KIRREL3: variants seen among roughly 807,000 people sequenced by gnomAD.
The protein encoded by KIRREL3 is kirre like nephrin family adhesion molecule 3.
In KIRREL3, 36 loss-of-function variants were observed where a neutral mutation model predicts 89.7. That is an observed-to-expected ratio of 0.40 (90% CI 0.31 to 0.53). The LOEUF (loss-of-function observed/expected upper bound fraction) is 0.53. Among genes scored for constraint, KIRREL3 ranks in the 20% least tolerant of loss-of-function variants. The probability of loss-of-function intolerance (pLI) is 0.49; values close to 1 mark genes in which losing one functional copy is unlikely to be tolerated. For missense variants in KIRREL3, 864 were observed against 1,056.6 expected (o/e 0.82, Z 2.53); for synonymous variants, 445 against 441.4 (o/e 1.01, Z -0.10).
rs1949766899 is a variant in KIRREL3 at position 126,983,338 on chromosome 11, T to A, written c.55+17117A>T. On this transcript the variant is annotated intron_variant, in intron 1 of 16. Transcript: ENST00000525144. This position sits in a 1 kb window ranked among gnomAD's most constrained non-coding sequence, Gnocchi z 4.9. ...TAGGATAGGAAAGCCTATATTTTCT[T>A]CTGAAAGGGAGGGCTCATCTAACGT... is the stretch of plus-strand genomic sequence containing the variant. Among the ~76,000 whole-genome samples, 1 of 152,216 alleles carries A rather than the reference T, an allele frequency of 6.6e-6. No homozygotes were observed. Among genetic ancestry groups the A allele is most frequent in the African/African-American group, 2.4e-5 (1 of 41,450 alleles).
intron 1 of KIRREL3, among the ~76,000 whole-genome samples, chr11:126,595,191 G>A (rs970603355): frequency 1.1e-4 from 16 of 152,228 alleles, no homozygotes; most frequent in Non-Finnish European, 1.9e-4. Context: ...AGGGGGTGGC[G>A]GGTGAGGGGC....
chr11:126,771,573 G>A lies in KIRREL3; in HGVS notation c.56-208661C>T, dbSNP rs992728874. Among the ~76,000 whole-genome samples, 4 of 152,214 alleles carry A rather than the reference G, an allele frequency of 2.6e-5. No individual in the cohort carries two copies. The highest frequency in any genetic ancestry group is 7.2e-5 in the African/African-American group (3 of 41,540). ...ACCTGCAATTACTTTTGCACCAACC[G>A]AAATAGTTTTACCAGGGCAGGGAGA... On this transcript the variant is annotated intron_variant, in intron 1 of 16. Transcript: ENST00000525144. This position sits in a 1 kb window ranked among gnomAD's most constrained non-coding sequence, Gnocchi z 4.4.
chr11:126,852,704 T>C (rs1178920926), intron 1 of KIRREL3, among the ~76,000 whole-genome samples: 1 of 152,194 alleles, frequency 6.6e-6, no homozygotes, highest in Non-Finnish European at 1.5e-5. Context: ...TGAAAACATG[T>C]GTTGTGCTTT....
intron 5 of KIRREL3, among the ~76,000 whole-genome samples, chr11:126,464,439 G>A (rs1215886827): frequency 6.6e-6 from 1 of 152,072 alleles, no homozygotes; most frequent in Non-Finnish European, 1.5e-5. Flanking sequence ...GCTAAGGTGA[G>A]AGGATCACTT....
In KIRREL3 at chr11:126,454,193, T is replaced by C. The variant is rs1490664914; in HGVS notation, c.848+2156A>G. On this transcript the variant is annotated intron_variant, in intron 7 of 16. Transcript: ENST00000525144. The surrounding 1 kb of genome is among the most constrained non-coding windows in gnomAD (Gnocchi z 5.8). ...CTCTTTCCTATTATTGCTGTTCTGCTTTTTTGAGGTTGGTGACCCTGGGAA... is the reference window on the plus strand; with the variant it reads ...CTCTTTCCTATTATTGCTGTTCTGCCTTTTTGAGGTTGGTGACCCTGGGAA... 9.2e-5 allele frequency among the ~76,000 whole-genome samples: 14 copies of C among 152,156 alleles called. No individual in the cohort carries two copies.
chr11:126,439,273 G>A (rs1193257174), intron 11 of KIRREL3, among the ~76,000 whole-genome samples: 1 of 151,984 alleles, frequency 6.6e-6, no homozygotes, highest in Admixed American at 6.6e-5. Context: ...GGAGGTTGCA[G>A]TGAGCCAAGA....
Position 126,516,486 on chromosome 11 carries a change from G to T in KIRREL3, c.433+4829C>A, listed in dbSNP as rs113152800. Among the ~76,000 whole-genome samples, 9 of 152,106 alleles carry T rather than the reference G, an allele frequency of 5.9e-5. No individual in the cohort carries two copies. Among genetic ancestry groups the T allele is most frequent in the African/African-American group, 2.2e-4 (9 of 41,408 alleles). Reference sequence around the variant, plus strand: ...TTAATCCGTGCATCACTTATCGACCGCCTTCTCTCTGCCAGAATGCAAGCT... The same window carrying T: ...TTAATCCGTGCATCACTTATCGACCTCCTTCTCTCTGCCAGAATGCAAGCT... On this transcript the variant is annotated intron_variant, in intron 4 of 16. Coordinates refer to ENST00000525144, the MANE Select transcript of KIRREL3 (RefSeq NM_032531.4). The surrounding 1 kb of genome is among the most constrained non-coding windows in gnomAD (Gnocchi z 4.9).
At position 126,501,948 on chromosome 11, in the gene KIRREL3, A is replaced by C. The variant is rs1488185245; in HGVS notation, c.433+19367T>G. On this transcript the variant is annotated intron_variant, in intron 4 of 16. Coordinates refer to ENST00000525144, the MANE Select transcript of KIRREL3 (RefSeq NM_032531.4). This position sits in a 1 kb window ranked among gnomAD's most constrained non-coding sequence, Gnocchi z 5.8. Reference sequence around the variant, plus strand: ...GGGACTGGTGGGCCACATCCCGCCCAAGGGAGCAGCCATTACATAATTGTT... The same window carrying C: ...GGGACTGGTGGGCCACATCCCGCCCCAGGGAGCAGCCATTACATAATTGTT... 6.6e-6 allele frequency among the ~76,000 whole-genome samples: 1 copy of C among 152,212 alleles called. No individual in the cohort carries two copies. Among genetic ancestry groups the C allele is most frequent in the Non-Finnish European group, 1.5e-5 (1 of 68,028 alleles).
At chr11:126,448,271 G>A (rs118100231) in intron 8 of KIRREL3, among the ~76,000 whole-genome samples, 1,201 of 118,838 alleles carry the variant, frequency 0.01, 8 homozygotes, top group Admixed American at 0.021. Context: ...GGCAGAGTGA[G>A]ACTGTCTCAA....
rs1453208287 is a variant in KIRREL3, at chr11:126,740,524, G to A, written c.56-177612C>T. Among the ~76,000 whole-genome samples, 2 of 152,098 alleles carry A rather than the reference G, an allele frequency of 1.3e-5. No individual in the cohort carries two copies. Among genetic ancestry groups the A allele is most frequent in the East Asian group, 3.9e-4 (2 of 5,186 alleles). On this transcript the variant is annotated intron_variant, in intron 1 of 16. Coordinates refer to ENST00000525144, the MANE Select transcript of KIRREL3 (RefSeq NM_032531.4). The surrounding 1 kb of genome is among the most constrained non-coding windows in gnomAD (Gnocchi z 6.0). ...CACTCACAGATCCCTCTCCTACCCA[G>A]GAGACATGTTCCTTATATTTGTGAT...
At position 126,429,148 on chromosome 11, in the gene KIRREL3, G is replaced by A. The variant is rs578151570; in HGVS notation, c.1806+31C>T. Reference sequence around the variant, plus strand: ...CAGGACCTTCTGGGAATGGAGTCACGGGATGGGATGGGGCGTAATTGCATT... The same window carrying A: ...CAGGACCTTCTGGGAATGGAGTCACAGGATGGGATGGGGCGTAATTGCATT... On this transcript the variant is annotated intron_variant, in intron 15 of 16. Transcript: ENST00000525144. The surrounding 1 kb of genome is among the most constrained non-coding windows in gnomAD (Gnocchi z 5.2). 18 of 1,394,424 alleles carry A rather than the reference G, an allele frequency of 1.3e-5. No homozygotes were observed. In the East Asian group the frequency reaches 1.6e-4, roughly 12 times the overall value. 86.4% of individuals were successfully genotyped at this position (1,394,424 alleles called of 1,614,324 possible). A position where few individuals can be genotyped will look rare whatever the true frequency, so the allele number is the denominator to read the frequency against.
chr11:126,664,564 G>A lies in KIRREL3; in HGVS notation c.56-101652C>T, dbSNP rs116044547. Among the ~76,000 whole-genome samples the A allele has an allele frequency of 2.6e-3, 394 of 152,284 alleles. 4 individuals are homozygous for A. The highest frequency in any genetic ancestry group is 8.8e-3 in the African/African-American group (366 of 41,564). ...GATACTGAAAGGGATGAAGAAGTTC[G>A]GCCTCACCTCTTGAGGATCATTTCT... On this transcript the variant is annotated intron_variant, in intron 1 of 16. Transcript: ENST00000525144. This position sits in a 1 kb window ranked among gnomAD's most constrained non-coding sequence, Gnocchi z 5.4.
At position 126,471,861 on chromosome 11, in the gene KIRREL3, T is replaced by G. The variant is rs1453562330; in HGVS notation, c.591+1448A>C. ...AATACACAACATTTTAAAGACACAA[T>G]TAATACGGGGGCCAGTTCAGGGTGC... On this transcript the variant is annotated intron_variant, in intron 5 of 16. Coordinates refer to ENST00000525144, the MANE Select transcript of KIRREL3 (RefSeq NM_032531.4). The surrounding 1 kb of genome is among the most constrained non-coding windows in gnomAD (Gnocchi z 5.4). Among the ~76,000 whole-genome samples the G allele has an allele frequency of 6.6e-6, 1 of 152,160 alleles. No homozygotes were observed. Among genetic ancestry groups the G allele is most frequent in the Admixed American group, 6.5e-5 (1 of 15,280 alleles).
At chr11:126,749,342 T>C (rs1189859310) in intron 1 of KIRREL3, among the ~76,000 whole-genome samples, 2 of 152,208 alleles carry the variant, frequency 1.3e-5, no homozygotes, top group African/African-American at 4.8e-5. Context: ...TTTGTTGGTA[T>C]TTATGTCTTG....
chr11:126,718,009 T>A (rs1011822756), intron 1 of KIRREL3, among the ~76,000 whole-genome samples: 1 of 151,732 alleles, frequency 6.6e-6, no homozygotes, highest in Non-Finnish European at 1.5e-5. Flanking sequence ...CATTGGGAGG[T>A]TCATGGATAG....
intron 4 of KIRREL3, among the ~76,000 whole-genome samples, chr11:126,497,205 T>A (rs7395925): frequency 6.0e-5 from 6 of 99,730 alleles, no homozygotes; most frequent in East Asian, 1.5e-3. Context: ...TGTGTGTGAG[T>A]GTGAGTGTGT....
At chr11:126,875,318 G>A (rs1458671172) in intron 1 of KIRREL3, among the ~76,000 whole-genome samples, 2 of 152,152 alleles carry the variant, frequency 1.3e-5, no homozygotes, top group East Asian at 1.9e-4. Context: ...AGTGAAAAAC[G>A]AGAGACATAA....
At chr11:127,001,572 T>C (rs1259435312), upstream of KIRREL3, among the ~76,000 whole-genome samples, 2 of 152,032 alleles carry the variant, frequency 1.3e-5, no homozygotes, top group Non-Finnish European at 1.5e-5. Flanking sequence ...GTGAGTCCAA[T>C]TGCAAAGGAG....
intron 4 of KIRREL3, among the ~76,000 whole-genome samples, chr11:126,478,234 G>T (rs965962810): frequency 7.2e-5 from 11 of 152,188 alleles, no homozygotes; most frequent in Non-Finnish European, 1.3e-4. Context: ...TGAAGGTGCA[G>T]CTTCAAGAGC....
Sources: allele counts gnomAD v4.1 joint callset (sites outside exome capture counted in the v4.1 genomes callset), GRCh38; gene constraint gnomAD v4.1.1; non-coding constraint Gnocchi (gnomAD v3.1); transcripts MANE v1.5; gene names NCBI Gene and HGNC (gene_info 2026-07-23, HGNC 2026-07-21).